PRKAR2A: variants seen among roughly 807,000 people sequenced by gnomAD.
PRKAR2A encodes cAMP-dependent protein kinase type II-alpha regulatory subunit.
A neutral mutation model predicts 51.9 loss-of-function variants in PRKAR2A; 29 were observed. That is an observed-to-expected ratio of 0.56 (90% CI 0.42 to 0.76). The LOEUF (loss-of-function observed/expected upper bound fraction) is 0.76, where lower values mean the gene tolerates loss of function less well. Among genes scored for constraint, PRKAR2A ranks in the 30% least tolerant of loss-of-function variants. The pLI is 0.00. For synonymous variants in PRKAR2A, 178 were observed against 186.2 expected (o/e 0.96, Z 0.36); for missense variants, 445 against 512.1 (o/e 0.87, Z 1.26).
chr3:48,776,427 C>T (rs1422756761), intron 5 of PRKAR2A, among the ~76,000 whole-genome samples: 1 of 152,020 alleles, frequency 6.6e-6, no homozygotes, highest in African/African-American at 2.4e-5. Context: ...ATTTCATCTG[C>T]TAATAATAGG....
At chr3:48,827,793 A>C (rs1303870512) in intron 1 of PRKAR2A, among the ~76,000 whole-genome samples, 1 of 152,172 alleles carries the variant, frequency 6.6e-6, no homozygotes, top group Admixed American at 6.6e-5. Context: ...TAGGCTACAC[A>C]ATCTATAAAA....
rs1431903282 is a variant in PRKAR2A, at chr3:48,847,699, C to T, written c.-103G>A. 3.1e-5 allele frequency: 36 copies of T among 1,170,232 alleles called. No individual in the cohort carries two copies. The African/African-American group carries it at 3.3e-4, about 11-fold the overall frequency. The allele number at this position is 1,170,232 out of a possible 1,614,324, so 72.5% of individuals were successfully genotyped here. ...GCTCCGCGCCCGCGAGGTCTCTTCG[C>T]GCACGGCCCCGGCTCACGTCGCGCC... On this transcript the variant is annotated 5_prime_UTR_variant, in exon 1 of 11. Transcript: ENST00000265563. This position sits in a 1 kb window ranked among gnomAD's most constrained non-coding sequence, Gnocchi z 4.4.
intron 1 of PRKAR2A, among the ~76,000 whole-genome samples, chr3:48,837,084 C>A (rs901971323): frequency 1.3e-5 from 2 of 151,850 alleles, no homozygotes; most frequent in African/African-American, 2.4e-5. Context: ...GCTATGATTG[C>A]ACCACTATAC....
chr3:48,827,240 G>C (rs940032276), intron 1 of PRKAR2A, among the ~76,000 whole-genome samples: 1 of 150,836 alleles, frequency 6.6e-6, no homozygotes, highest in Non-Finnish European at 1.5e-5. Flanking sequence ...CAAATCACCT[G>C]CCCTGTTAAA....
chr3:48,816,221 C>T (rs1276850418), intron 1 of PRKAR2A, among the ~76,000 whole-genome samples: 1 of 152,058 alleles, frequency 6.6e-6, no homozygotes, highest in Non-Finnish European at 1.5e-5. Flanking sequence ...TCCTATATCC[C>T]TCCCCTAGAA....
chr3:48,838,774 C>T (rs1169249110), intron 1 of PRKAR2A, among the ~76,000 whole-genome samples: 6 of 150,304 alleles, frequency 4.0e-5, no homozygotes, highest in Non-Finnish European at 8.9e-5. Context: ...GTCAGGAGAT[C>T]GAGACCATCC....
intron 1 of PRKAR2A, among the ~76,000 whole-genome samples, chr3:48,812,735 G>T (rs753666321): frequency 6.6e-6 from 1 of 152,144 alleles, no homozygotes; most frequent in African/African-American, 2.4e-5. Flanking sequence ...GCCCGCTTTG[G>T]CCTCCCAAAG....
At chr3:48,831,750 G>A (rs577149799) in intron 1 of PRKAR2A, among the ~76,000 whole-genome samples, 1 of 151,772 alleles carries the variant, frequency 6.6e-6, no homozygotes, top group South Asian at 2.1e-4. Flanking sequence ...CCAAGTACCT[G>A]GGATTACAGG....
At position 48,765,239 on chromosome 3, in the gene PRKAR2A, C is replaced by A. The variant is rs531081027; in HGVS notation, c.798+9G>T. 1 of 1,596,750 alleles carries A rather than the reference C, an allele frequency of 6.3e-7. No individual in the cohort carries two copies. Among genetic ancestry groups the A allele is most frequent in the Non-Finnish European group, 8.6e-7 (1 of 1,167,760 alleles). On this transcript the variant is annotated intron_variant, in intron 7 of 10. Coordinates refer to ENST00000265563, the MANE Select transcript of PRKAR2A (RefSeq NM_004157.4). ...CCCCATGAACAGATTCTTATTCAAG[C>A]CACTTTACCTCTAGTGATTTAAGGA...
rs1425915379 is a variant in PRKAR2A, at chr3:48,832,989, T to C, written c.262+14346A>G. On this transcript the variant is annotated intron_variant, in intron 1 of 10. Coordinates refer to ENST00000265563, the MANE Select transcript of PRKAR2A (RefSeq NM_004157.4). ...CCACATATTATGAGTCTGTAGCTTG[T>C]CCAAGAGCCCCAAGTGCATTTGATC... Among the ~76,000 whole-genome samples the C allele has an allele frequency of 2.0e-5, 3 of 152,262 alleles. No homozygotes were observed. The East Asian group carries it at 5.8e-4, about 29-fold the overall frequency.
chr3:48,847,628 G>C lies in PRKAR2A; in HGVS notation c.-32C>G. 1 of 1,407,854 alleles carries C rather than the reference G, an allele frequency of 7.1e-7. No homozygotes were observed. Among genetic ancestry groups the C allele is most frequent in the South Asian group, 1.6e-5 (1 of 64,294 alleles). 87.2% of individuals were successfully genotyped at this position (1,407,854 alleles called of 1,614,324 possible). On this transcript the variant is annotated 5_prime_UTR_variant, in exon 1 of 11. Coordinates refer to ENST00000265563, the MANE Select transcript of PRKAR2A (RefSeq NM_004157.4). The surrounding 1 kb of genome is among the most constrained non-coding windows in gnomAD (Gnocchi z 4.4). Reference sequence around the variant, plus strand: ...GGCGGCCGAAGGGATAGACGGGTTGGGCCGCCGGCGGCCACTGTCTCCGCG... The same window carrying C: ...GGCGGCCGAAGGGATAGACGGGTTGCGCCGCCGGCGGCCACTGTCTCCGCG...
chr3:48,830,432 G>A (rs1279015044), intron 1 of PRKAR2A, among the ~76,000 whole-genome samples: 1 of 152,140 alleles, frequency 6.6e-6, no homozygotes, highest in Non-Finnish European at 1.5e-5. Flanking sequence ...GGACCTGCCT[G>A]AGGCTGTTTT....
chr3:48,786,569 G>A (rs1466317919), intron 4 of PRKAR2A, among the ~76,000 whole-genome samples: 2 of 149,372 alleles, frequency 1.3e-5, no homozygotes, highest in African/African-American at 4.9e-5. Flanking sequence ...AGGCAGAGGC[G>A]GGCGAATCAC....
At chr3:48,790,672 A>T in intron 3 of PRKAR2A, 45 bp from the exon 4 acceptor site, 1 of 1,220,182 alleles carries the variant, frequency 8.2e-7, no homozygotes, top group Non-Finnish European at 1.1e-6. Context: ...ATTCCATTTT[A>T]AAATAACCAC....
At chr3:48,757,768 A>G (rs534041598) in intron 8 of PRKAR2A, among the ~76,000 whole-genome samples, 1 of 152,056 alleles carries the variant, frequency 6.6e-6, no homozygotes, top group East Asian at 1.9e-4. Flanking sequence ...ACTAAATACA[A>G]AAACAGGCCA....
intron 1 of PRKAR2A, among the ~76,000 whole-genome samples, chr3:48,810,635 A>T (rs1039817858): frequency 6.6e-6 from 1 of 152,138 alleles, no homozygotes; most frequent in African/African-American, 2.4e-5. Flanking sequence ...TTAATTTTTT[A>T]AATTAAAAAA....
intron 2 of PRKAR2A, 76 bp from the exon 3 acceptor site, chr3:48,794,125 C>A: frequency 1.8e-6 from 2 of 1,089,962 alleles, no homozygotes; most frequent in South Asian, 1.4e-5. Context: ...GAAGTGAACT[C>A]AATTTTCTTT....
intron 2 of PRKAR2A, among the ~76,000 whole-genome samples, chr3:48,799,704 A>G (rs1411161585): frequency 6.6e-6 from 1 of 152,230 alleles, no homozygotes; most frequent in African/African-American, 2.4e-5. Flanking sequence ...TTCTCAGTGG[A>G]CTGTTCTGCT....
rs139364776 is a variant in PRKAR2A, at chr3:48,772,979, G to A, written c.672C>T (p.Thr224=). 2.4e-5 allele frequency: 39 copies of A among 1,613,260 alleles called. No homozygotes were observed. The highest frequency in any genetic ancestry group is 3.3e-5 in the Non-Finnish European group (39 of 1,179,532). Residue 224 remains threonine (T), a synonymous_variant, in exon 6 of 11, where the codon ACC becomes ACT. Coordinates refer to ENST00000265563, the MANE Select transcript of PRKAR2A (RefSeq NM_004157.4). ...CCAGTCCCCAAAGGGAGCCTTCTGAGGTAGCAACAATGGTAGCAGCTCTCG... is the reference window on the plus strand; with the variant it reads ...CCAGTCCCCAAAGGGAGCCTTCTGAAGTAGCAACAATGGTAGCAGCTCTCG... ...NTPRAATIVA[T]SEGSLWGLDR...
Sources: allele counts gnomAD v4.1 joint callset (sites outside exome capture counted in the v4.1 genomes callset), GRCh38; gene constraint gnomAD v4.1.1; non-coding constraint Gnocchi (gnomAD v3.1); transcripts MANE v1.5; gene names NCBI Gene and HGNC (gene_info 2026-07-23, HGNC 2026-07-21).